The following KALRN variants were observed in gnomAD, a reference collection of about 807,000 sequenced individuals.
The protein encoded by KALRN is kalirin RhoGEF kinase, also known as kalirin.
A neutral mutation model predicts 353.7 loss-of-function variants in KALRN; 70 were observed. That is an observed-to-expected ratio of 0.20 (90% CI 0.16 to 0.24). KALRN has a LOEUF of 0.24. Ranked by LOEUF, KALRN falls within the 10% of genes least tolerant of loss-of-function variation. KALRN has a pLI of 1.00. For synonymous variants in KALRN, 1,391 were observed against 1,434.8 expected (o/e 0.97, Z 0.69); for missense variants, 2,791 against 3,756.7 (o/e 0.74, Z 6.72).
chr3:124,281,003 A>T (rs1202582843), intron 5 of KALRN, among the ~76,000 whole-genome samples: 2 of 152,188 alleles, frequency 1.3e-5, no homozygotes, highest in African/African-American at 4.8e-5. Context: ...GCACATGTAT[A>T]CCTATGTATC....
At chr3:124,302,524 T>A (rs2149242904) in intron 6 of KALRN, among the ~76,000 whole-genome samples, 1 of 152,368 alleles carries the variant, frequency 6.6e-6, no homozygotes, top group East Asian at 1.9e-4. Flanking sequence ...GGTGTATCAT[T>A]TTGTCAATGA....
At chr3:124,381,778 G>C (rs1311925824) in intron 10 of KALRN, among the ~76,000 whole-genome samples, 1 of 152,154 alleles carries the variant, frequency 6.6e-6, no homozygotes, top group African/African-American at 2.4e-5. Flanking sequence ...ACTTGGCATG[G>C]GGGAACCAAG....
At chr3:124,097,132 C>T (rs1464556142) in intron 1 of KALRN, among the ~76,000 whole-genome samples, 2 of 152,246 alleles carry the variant, frequency 1.3e-5, no homozygotes, top group East Asian at 1.9e-4. Flanking sequence ...TGCATACCCA[C>T]ATCCATATTC....
At chr3:124,532,558 C>A (rs1426803113) in intron 33 of KALRN, among the ~76,000 whole-genome samples, 1 of 152,196 alleles carries the variant, frequency 6.6e-6, no homozygotes, top group East Asian at 1.9e-4. Context: ...GTAATCCCAG[C>A]ATGCTGGGAG....
chr3:124,178,608 C>A (rs2073119239), intron 1 of KALRN, among the ~76,000 whole-genome samples: 2 of 152,106 alleles, frequency 1.3e-5, no homozygotes, highest in Non-Finnish European at 2.9e-5. Flanking sequence ...CTAAACCTAT[C>A]TAGACATAGA....
intron 34 of KALRN, among the ~76,000 whole-genome samples, chr3:124,573,250 A>G (rs988141057): frequency 6.6e-6 from 1 of 152,210 alleles, no homozygotes; most frequent in African/African-American, 2.4e-5. Flanking sequence ...GCAATGGAGC[A>G]AGACTCCATT....
chr3:124,049,824 C>T (rs2040859937), intron 1 of KALRN, among the ~76,000 whole-genome samples: 1 of 152,196 alleles, frequency 6.6e-6, no homozygotes, highest in Non-Finnish European at 1.5e-5. Context: ...ACACTTACTT[C>T]TTATTACCCA....
chr3:124,648,322 T>C (rs1477601321), intron 37 of KALRN, among the ~76,000 whole-genome samples: 1 of 152,270 alleles, frequency 6.6e-6, no homozygotes, highest in Non-Finnish European at 1.5e-5. Flanking sequence ...CCCCTAGAGA[T>C]AGCCTGGGCT....
rs1462809065 is a variant in KALRN at position 124,720,178 on chromosome 3, T to C, written c.*708T>C. 1 of 152,652 alleles carries C rather than the reference T, an allele frequency of 6.6e-6. No individual in the cohort carries two copies. Among genetic ancestry groups the C allele is most frequent in the Non-Finnish European group, 1.5e-5 (1 of 68,040 alleles). 9.5% of individuals were successfully genotyped at this position (152,652 alleles called of 1,614,324 possible). A position where few individuals can be genotyped will look rare whatever the true frequency, so the allele number is the denominator to read the frequency against. On this transcript the variant is annotated 3_prime_UTR_variant, in exon 60 of 60. Transcript: ENST00000682506. ...TTAAGAGAAAGCAATGTTGCCCTTT[T>C]GAATGAGAAAATTTTTTCTGTCAAT...
At chr3:124,675,523 T>C (rs2087077595) in intron 49 of KALRN, 1 of 125,536 alleles carries the variant, frequency 8.0e-6, no homozygotes, top group Non-Finnish European at 1.6e-5. Context: ...TTCTTCTTTT[T>C]TTTTTTTTTT....
At chr3:124,489,812 T>C (rs905423606) in intron 29 of KALRN, among the ~76,000 whole-genome samples, 1 of 151,972 alleles carries the variant, frequency 6.6e-6, no homozygotes, top group Admixed American at 6.6e-5. Flanking sequence ...TCTGGGGAGG[T>C]TGGAGGGTGG....
chr3:124,540,113 G>A (rs948987918), intron 33 of KALRN, among the ~76,000 whole-genome samples: 30 of 152,228 alleles, frequency 2.0e-4, no homozygotes, highest in Non-Finnish European at 2.4e-4. Context: ...ATGAGACAGG[G>A]TTTTGCCATG....
At chr3:124,423,368 T>C (rs1279584118) in intron 15 of KALRN, among the ~76,000 whole-genome samples, 1 of 152,254 alleles carries the variant, frequency 6.6e-6, no homozygotes, top group Non-Finnish European at 1.5e-5. Context: ...GGGCACTGTG[T>C]GCCTGACACA....
chr3:124,145,275 C>T (rs571826406), intron 1 of KALRN, among the ~76,000 whole-genome samples: 2 of 152,290 alleles, frequency 1.3e-5, no homozygotes, highest in African/African-American at 2.4e-5. Context: ...AACTCTGCTA[C>T]GTACCTGTGT....
intron 34 of KALRN, among the ~76,000 whole-genome samples, chr3:124,581,890 A>G (rs2074664382): frequency 6.6e-6 from 1 of 152,222 alleles, no homozygotes; most frequent in Non-Finnish European, 1.5e-5. Flanking sequence ...GTTGTGGGTC[A>G]GAACTGGAAC....
rs1291183609 is a variant in KALRN, at chr3:124,442,028, C to T, written c.3282C>T (p.Ser1094=). The change falls in exon 19 of 60, where the codon AGC becomes AGT. Residue 1094 remains serine (S), a synonymous_variant. Coordinates refer to ENST00000682506, the MANE Select transcript of KALRN (RefSeq NM_001388419.1). ...RNNVSMPSVA[S]HTRGPEQQVK... ...ACGTCAGCATGCCCAGTGTCGCCAGCCACACTCGGGGACCCGAGCAACAAG... is the reference window on the plus strand; with the variant it reads ...ACGTCAGCATGCCCAGTGTCGCCAGTCACACTCGGGGACCCGAGCAACAAG... 6.2e-7 allele frequency: 1 copy of T among 1,605,950 alleles called. No individual in the cohort carries two copies. Among genetic ancestry groups the T allele is most frequent in the Non-Finnish European group, 8.5e-7 (1 of 1,174,202 alleles).
chr3:124,711,155 A>G (rs1205178628), intron 57 of KALRN, among the ~76,000 whole-genome samples: 1 of 152,108 alleles, frequency 6.6e-6, no homozygotes, highest in African/African-American at 2.4e-5. Flanking sequence ...ATACTTGTCT[A>G]AGACTTGTTT....
chr3:124,118,894 C>T (rs2063713733), intron 1 of KALRN, among the ~76,000 whole-genome samples: 1 of 152,168 alleles, frequency 6.6e-6, no homozygotes, highest in Non-Finnish European at 1.5e-5. Flanking sequence ...CCCCATTTTA[C>T]AAGTAGGACG....
intron 1 of KALRN, among the ~76,000 whole-genome samples, chr3:124,050,376 A>T (rs1431155912): frequency 2.6e-5 from 4 of 151,996 alleles, no homozygotes; most frequent in Non-Finnish European, 5.9e-5. Context: ...AGAAGACAGA[A>T]CCTCTGCACT....
Sources: allele counts gnomAD v4.1 joint callset (sites outside exome capture counted in the v4.1 genomes callset), GRCh38; gene constraint gnomAD v4.1.1; transcripts MANE v1.5; gene names NCBI Gene and HGNC (gene_info 2026-07-23, HGNC 2026-07-21).